Variants in NRXN1 observed in about 807,000 individuals in gnomAD.
NRXN1 encodes the protein neurexin-1.
A neutral mutation model predicts 150.9 loss-of-function variants in NRXN1; 39 were observed. The ratio of observed to expected loss-of-function variants is 0.26; its 90% CI spans 0.20 to 0.34. The LOEUF (loss-of-function observed/expected upper bound fraction) is 0.34, where lower values mean the gene tolerates loss of function less well. Ranked by LOEUF, NRXN1 falls within the 10% of genes least tolerant of loss-of-function variation. The probability of loss-of-function intolerance (pLI) is 1.00; values close to 1 mark genes in which losing one functional copy is unlikely to be tolerated. For synonymous variants in NRXN1, 924 were observed against 757.0 expected (o/e 1.22, Z -3.62); for missense variants, 1,815 against 1,949.9 (o/e 0.93, Z 1.30).
chr2:50,829,657 GCAT>G, intron 5 of NRXN1: 1 of 1,611,720 alleles, frequency 6.2e-7, no homozygotes, highest in Non-Finnish European at 8.5e-7. Context: ...GTACGGGACG[GCAT>G]CATAACAGGC....
intron 5 of NRXN1, among the ~76,000 whole-genome samples, chr2:50,635,357 G>A (rs1036921485): frequency 6.6e-6 from 1 of 151,192 alleles, no homozygotes; most frequent in Admixed American, 6.6e-5. Flanking sequence ...AGTAGAGACG[G>A]GGTTTCACCA....
rs758624943 is a variant in NRXN1 at position 50,552,654 on chromosome 2, T to C, written c.1692A>G (p.Lys564=). The change falls in exon 9 of 23, where the codon AAA becomes AAG. Residue 564 remains lysine, a synonymous_variant. Coordinates refer to ENST00000401669, the MANE Select transcript of NRXN1 (RefSeq NM_001330078.2). Reference sequence around the variant, plus strand: ...CATCATTCACTTTCTTCAACAGGGCTTTTATTTTTATAGTACCTGACCCCA... The same window carrying C: ...CATCATTCACTTTCTTCAACAGGGCCTTTATTTTTATAGTACCTGACCCCA... ...LDMGSGTIKI[K]ALLKKVNDGE... 1 of 1,613,888 alleles carries C rather than the reference T, an allele frequency of 6.2e-7. No individual in the cohort carries two copies. The highest frequency in any genetic ancestry group is 2.2e-5 in the East Asian group (1 of 44,880).
chr2:50,711,808 G>A (rs1008767594), intron 5 of NRXN1, among the ~76,000 whole-genome samples: 6 of 152,124 alleles, frequency 3.9e-5, no homozygotes, highest in South Asian at 2.1e-4. Flanking sequence ...TCTTTATAAC[G>A]GGCCTCTGGA....
chr2:49,997,936 A>G (rs1229236836), intron 21 of NRXN1, among the ~76,000 whole-genome samples: 1 of 152,148 alleles, frequency 6.6e-6, no homozygotes, highest in Non-Finnish European at 1.5e-5. Flanking sequence ...ACCTGTTTCA[A>G]GTCTTGGGTT....
intron 18 of NRXN1, among the ~76,000 whole-genome samples, chr2:50,140,470 T>A (rs935491061): frequency 5.3e-5 from 8 of 152,070 alleles, no homozygotes; most frequent in African/African-American, 4.8e-5. Context: ...TCCACATTTA[T>A]CTAAGCCTTT....
intron 22 of NRXN1, among the ~76,000 whole-genome samples, chr2:49,939,048 G>A (rs1671520897): frequency 6.6e-6 from 1 of 152,118 alleles, no homozygotes; most frequent in Non-Finnish European, 1.5e-5. Flanking sequence ...GAAAAACAAA[G>A]TCTTGGAAAA....
At chr2:50,222,059 T>C (rs545079146) in intron 18 of NRXN1, among the ~76,000 whole-genome samples, 1 of 152,048 alleles carries the variant, frequency 6.6e-6, no homozygotes, top group South Asian at 2.1e-4. Context: ...TTAAGAATTA[T>C]GGAATGTGTA....
chr2:50,227,651 C>A (rs2064529412), intron 18 of NRXN1, among the ~76,000 whole-genome samples: 1 of 151,994 alleles, frequency 6.6e-6, no homozygotes, highest in Admixed American at 6.6e-5. Flanking sequence ...TTATAACAAT[C>A]ATTCTGGTAG....
At chr2:50,123,188 C>G (rs1293649870) in intron 18 of NRXN1, among the ~76,000 whole-genome samples, 1 of 151,920 alleles carries the variant, frequency 6.6e-6, no homozygotes, top group Non-Finnish European at 1.5e-5. Flanking sequence ...AATGGAGGAA[C>G]AGAAAATAAC....
chr2:50,461,714 A>T (rs1553641070), intron 17 of NRXN1, among the ~76,000 whole-genome samples: 1 of 152,050 alleles, frequency 6.6e-6, no homozygotes, highest in Non-Finnish European at 1.5e-5. Context: ...CATACAATGT[A>T]GTCCAGCACA....
At chr2:50,664,446 C>T (rs1274284643) in intron 5 of NRXN1, among the ~76,000 whole-genome samples, 4 of 94,176 alleles carry the variant, frequency 4.2e-5, no homozygotes, top group Non-Finnish European at 6.3e-5. Context: ...TGTGGCGTGG[C>T]GGGGGCGGGT....
At chr2:50,508,200 A>G (rs2105014740) in intron 12 of NRXN1, among the ~76,000 whole-genome samples, 1 of 152,294 alleles carries the variant, frequency 6.6e-6, no homozygotes, top group East Asian at 1.9e-4. Flanking sequence ...TGAGCCAGTG[A>G]TATGAGCTAA....
chr2:49,927,493 C>T (rs931994532), intron 22 of NRXN1, among the ~76,000 whole-genome samples: 2 of 152,194 alleles, frequency 1.3e-5, no homozygotes, highest in African/African-American at 4.8e-5. Context: ...TGATTCACAA[C>T]TGAAGTGCTA....
chr2:50,459,561 T>C (rs544799568), intron 17 of NRXN1, among the ~76,000 whole-genome samples: 1 of 152,280 alleles, frequency 6.6e-6, no homozygotes, highest in South Asian at 2.1e-4. Context: ...GAACATGTGG[T>C]ATTTGGTTTT....
At chr2:50,601,146 C>A (rs1676201312) in intron 8 of NRXN1, among the ~76,000 whole-genome samples, 1 of 151,958 alleles carries the variant, frequency 6.6e-6, no homozygotes, top group Non-Finnish European at 1.5e-5. Context: ...TATTTAACTA[C>A]AGGGTTTATT....
chr2:50,874,124 C>A (rs1310099824), intron 5 of NRXN1, among the ~76,000 whole-genome samples: 1 of 151,874 alleles, frequency 6.6e-6, no homozygotes, highest in East Asian at 1.9e-4. Flanking sequence ...AAGTCATCAA[C>A]AAAGTCTGTT....
At position 50,623,570 on chromosome 2, in the gene NRXN1, C is replaced by T. The variant is rs1680434525; in HGVS notation, c.878G>A (p.Cys293Tyr). The T allele has an allele frequency of 6.2e-7, 1 of 1,612,972 alleles. No individual in the cohort carries two copies. Among genetic ancestry groups the T allele is most frequent in the African/African-American group, 1.3e-5 (1 of 74,864 alleles). The change falls in exon 6 of 23, where the codon TGC becomes TAC. Residue 293 changes from cysteine to tyrosine, a missense_variant. This residue lies in a region of NRXN1 where 554 missense variants were observed against 478.8 expected (regional missense o/e 1.16). Transcript: ENST00000401669. ...IATFKGSEYF[C>Y]YDLSQNPIQS... is the part of the protein sequence containing the mutation. ...AATGGGGTTTTGAGACAAGTCGTAG[C>T]AGAAGTATTCAGATCCTTTGAACGT...
intron 21 of NRXN1, among the ~76,000 whole-genome samples, chr2:49,986,995 G>A (rs1681021821): frequency 6.6e-6 from 1 of 152,032 alleles, no homozygotes; most frequent in South Asian, 2.1e-4. Context: ...AGCTGGGCAG[G>A]TTGAGGCTGC....
chr2:50,314,889 T>C (rs887690152), intron 17 of NRXN1, among the ~76,000 whole-genome samples: 3 of 152,036 alleles, frequency 2.0e-5, no homozygotes, highest in Non-Finnish European at 4.4e-5. Flanking sequence ...TTTTTCTCAC[T>C]TTTAAAATGA....
Sources: gnomAD v4.1 joint callset for allele counts (sites outside exome capture counted in the v4.1 genomes callset) on GRCh38, gnomAD v4.1.1 for gene constraint, gnomAD v4.1.1 regional missense constraint, MANE v1.5 for transcripts, NCBI Gene and HGNC (gene_info 2026-07-23, HGNC 2026-07-21) for gene names.